ACBD3: variants seen among roughly 807,000 people sequenced by gnomAD.
The protein encoded by ACBD3 is acyl-CoA binding domain containing 3.
In ACBD3, 30 loss-of-function variants were observed where a neutral mutation model predicts 66.9. The observed-to-expected ratio is 0.45, with a 90% CI of 0.34 to 0.61. The LOEUF is 0.61. Ranked by LOEUF, ACBD3 falls within the 20% of genes least tolerant of loss-of-function variation. The pLI, the probability that ACBD3 is intolerant of heterozygous loss-of-function variation, is 0.02. For missense variants in ACBD3, 544 were observed against 664.5 expected (o/e 0.82, Z 1.99); for synonymous variants, 278 against 259.8 (o/e 1.07, Z -0.68).
Position 226,146,344 on chromosome 1 carries a change from T to C in ACBD3, c.*266A>G. The C allele has an allele frequency of 5.2e-6, 2 of 387,472 alleles. No individual in the cohort carries two copies. The highest frequency in any genetic ancestry group is 6.6e-5 in the South Asian group (2 of 30,204). 24.0% of individuals were successfully genotyped at this position (387,472 alleles called of 1,614,324 possible). ...TTGGAGACTTTAAATATTTAACATG[T>C]AGCTCATGTAACTTCAGCATCCACT... On this transcript the variant is annotated 3_prime_UTR_variant, in exon 8 of 8. Coordinates refer to ENST00000366812, the MANE Select transcript of ACBD3 (RefSeq NM_022735.4).
At chr1:226,164,714 A>C in intron 3 of ACBD3, 75 bp downstream of exon 3, 1 of 1,448,774 alleles carries the variant, frequency 6.9e-7, no homozygotes, top group Non-Finnish European at 9.1e-7. Context: ...GAACTAGAAC[A>C]GACACTCTAC....
At position 226,146,536 on chromosome 1, in the gene ACBD3, A is replaced by G. The variant is rs1659454693; in HGVS notation, c.*74T>C. On this transcript the variant is annotated 3_prime_UTR_variant, in exon 8 of 8. Coordinates refer to ENST00000366812, the MANE Select transcript of ACBD3 (RefSeq NM_022735.4). ...TAAACTGTGACTCTAATGCTCCACAAAAGTAAAAAGAAATTTCCAAATTAA... is the reference window on the plus strand; with the variant it reads ...TAAACTGTGACTCTAATGCTCCACAGAAGTAAAAAGAAATTTCCAAATTAA... 7.4e-6 allele frequency: 10 copies of G among 1,345,836 alleles called. No individual in the cohort carries two copies. In the South Asian group the frequency reaches 1.2e-4, roughly 17 times the overall value. The allele number at this position is 1,345,836 out of a possible 1,614,324, so 83.4% of individuals were successfully genotyped here.
At chr1:226,154,934 G>A (rs1025063055) in intron 5 of ACBD3, 101 bp from the exon 6 acceptor site, 36 of 938,534 alleles carry the variant, frequency 3.8e-5, no homozygotes, top group Non-Finnish European at 5.2e-5. Flanking sequence ...CCCTACCAAA[G>A]TGCTATGCTC....
At chr1:226,161,157 TGAGACGGA>T (rs1659765861) in intron 4 of ACBD3, among the ~76,000 whole-genome samples, 2 of 151,268 alleles carry the variant, frequency 1.3e-5, no homozygotes, top group African/African-American at 2.4e-5. Context: ...TTTTTTTTTT[TGAGACGGA>T]GTTTCACTCA....
rs1047747963 is a variant in ACBD3 at position 226,178,297 on chromosome 1, G to A, written c.286+8093C>T. On this transcript the variant is annotated intron_variant, in intron 1 of 7. Transcript: ENST00000366812. ...TACAAAAGACTATTAGGGGCTGGGC[G>A]CAGTGGCTCACACCTGTAATCCCAG... 7.9e-5 allele frequency among the ~76,000 whole-genome samples: 12 copies of A among 152,002 alleles called. No homozygotes were observed. In the South Asian group the frequency reaches 1.7e-3, roughly 21 times the overall value.
intron 1 of ACBD3, among the ~76,000 whole-genome samples, chr1:226,186,104 C>A (rs1308397579): frequency 1.3e-5 from 2 of 152,236 alleles, no homozygotes; most frequent in East Asian, 3.8e-4. Context: ...TCCACCAGGG[C>A]TCCTGGAAAT....
chr1:226,185,735 T>A (rs1352414305), intron 1 of ACBD3, among the ~76,000 whole-genome samples: 1 of 152,228 alleles, frequency 6.6e-6, no homozygotes, highest in Admixed American at 6.5e-5. Context: ...AATTCACTCT[T>A]GCACATTGCT....
chr1:226,145,742 T>C lies in ACBD3; in HGVS notation c.*868A>G, dbSNP rs1184351285. On this transcript the variant is annotated 3_prime_UTR_variant, in exon 8 of 8. Transcript: ENST00000366812. ...TGAATTATATTTAAATGATTTTATG[T>C]ATTTTAATTCAGTAGGTGCCAATTT... The C allele has an allele frequency of 6.5e-6, 1 of 152,678 alleles. No homozygotes were observed. The highest frequency in any genetic ancestry group is 1.5e-5 in the Non-Finnish European group (1 of 68,038). The allele number at this position is 152,678 out of a possible 1,614,324, so 9.5% of individuals were successfully genotyped here.
intron 1 of ACBD3, among the ~76,000 whole-genome samples, chr1:226,174,725 C>T (rs1454287506): frequency 6.6e-6 from 1 of 152,046 alleles, no homozygotes; most frequent in African/African-American, 2.4e-5. Flanking sequence ...AAGATCGTGC[C>T]ACTGTACTCC....
chr1:226,181,104 T>C (rs1656161542), intron 1 of ACBD3, among the ~76,000 whole-genome samples: 1 of 152,080 alleles, frequency 6.6e-6, no homozygotes, highest in South Asian at 2.1e-4. Context: ...TTGGTGGCTA[T>C]AATTGTTTTT....
chr1:226,164,747 G>A, intron 3 of ACBD3, 42 bp downstream of exon 3: 1 of 1,585,098 alleles, frequency 6.3e-7, no homozygotes, highest in African/African-American at 1.3e-5. Context: ...TCAGTACACT[G>A]GGCTGCGCAG....
chr1:226,162,737 T>A (rs1054220219), intron 3 of ACBD3, among the ~76,000 whole-genome samples: 5 of 151,990 alleles, frequency 3.3e-5, no homozygotes, highest in Non-Finnish European at 7.4e-5. Context: ...CTAACTCCTA[T>A]AAGTGATTAA....
intron 1 of ACBD3, among the ~76,000 whole-genome samples, chr1:226,172,826 C>T (rs550910970): frequency 1.1e-3 from 165 of 152,150 alleles, no homozygotes; most frequent in Non-Finnish European, 2.0e-3. Flanking sequence ...CAGCTGGGTG[C>T]GGCGGCATGC....
At chr1:226,155,717 G>A (rs1265702772) in intron 5 of ACBD3, among the ~76,000 whole-genome samples, 2 of 152,052 alleles carry the variant, frequency 1.3e-5, no homozygotes, top group African/African-American at 4.8e-5. Flanking sequence ...TAAAACTTCA[G>A]GGAAAAATTA....
chr1:226,183,033 GC>G (rs1193379511), intron 1 of ACBD3, among the ~76,000 whole-genome samples: 1 of 152,110 alleles, frequency 6.6e-6, no homozygotes, highest in African/African-American at 2.4e-5. Flanking sequence ...TCAGTCACTG[GC>G]CTATTACCAC....
intron 1 of ACBD3, among the ~76,000 whole-genome samples, chr1:226,175,824 G>A (rs1282277739): frequency 3.3e-5 from 5 of 152,102 alleles, no homozygotes; most frequent in African/African-American, 4.8e-5. Context: ...CTTTTCAATT[G>A]CTCTGGTTTC....
At chr1:226,151,993 T>G (rs1446448373) in intron 7 of ACBD3, among the ~76,000 whole-genome samples, 2 of 151,436 alleles carry the variant, frequency 1.3e-5, no homozygotes, top group Non-Finnish European at 2.9e-5. Context: ...GGTGACAGAG[T>G]GAGACTCTGT....
intron 4 of ACBD3, among the ~76,000 whole-genome samples, chr1:226,160,454 T>C (rs1659750258): frequency 6.6e-6 from 1 of 152,122 alleles, no homozygotes; most frequent in African/African-American, 2.4e-5. Context: ...AGCCATCTAT[T>C]AATAGATAAC....
chr1:226,177,949 T>A (rs905782036), intron 1 of ACBD3, among the ~76,000 whole-genome samples: 1 of 151,284 alleles, frequency 6.6e-6, no homozygotes, highest in Non-Finnish European at 1.5e-5. Context: ...AGTTTTCCCA[T>A]ATTGCGCAGG....
Sources: gnomAD v4.1 joint callset for allele counts (sites outside exome capture counted in the v4.1 genomes callset) on GRCh38, gnomAD v4.1.1 for gene constraint, MANE v1.5 for transcripts, NCBI Gene and HGNC (gene_info 2026-07-23, HGNC 2026-07-21) for gene names.